Variants in RGS7 observed in about 807,000 individuals in gnomAD.
RGS7 encodes the protein regulator of G protein signaling 7, also known as regulator of G-protein signaling 7.
RGS7 carries 27 observed loss-of-function variants against 81.1 expected under a neutral mutation model. The observed-to-expected ratio is 0.33, with a 90% confidence interval of 0.25 to 0.46. RGS7 has a LOEUF of 0.46. RGS7 is among the 20% of genes least tolerant of loss of function. The pLI, the probability that RGS7 is intolerant of heterozygous loss-of-function variation, is 1.00. For missense variants in RGS7, 396 were observed against 607.4 expected, an observed-to-expected ratio of 0.65 and a Z score of 3.66; for synonymous variants, 208 against 207.7, an observed-to-expected ratio of 1.00 and a Z score of -0.01.
intron 9 of RGS7, among the ~76,000 whole-genome samples, chr1:240,835,193 A>T (rs1342181453): frequency 6.6e-6 from 1 of 152,210 alleles, no homozygotes; most frequent in Non-Finnish European, 1.5e-5. Flanking sequence ...TGGAAAAAAA[A>T]TAGGCAAGGT....
chr1:240,829,050 A>G (rs1270193045), intron 9 of RGS7, among the ~76,000 whole-genome samples: 1 of 152,162 alleles, frequency 6.6e-6, no homozygotes, highest in Admixed American at 6.5e-5. Context: ...GACAGAGGAC[A>G]CTTTCCTTAA....
chr1:241,068,975 G>A (rs1450115859), intron 3 of RGS7, among the ~76,000 whole-genome samples: 1 of 152,048 alleles, frequency 6.6e-6, no homozygotes, highest in East Asian at 1.9e-4. Context: ...CCCTCCTCTT[G>A]CTCCTGCTTT....
intron 2 of RGS7, among the ~76,000 whole-genome samples, chr1:241,140,783 T>C (rs1252752016): frequency 6.6e-6 from 1 of 152,226 alleles, no homozygotes; most frequent in Non-Finnish European, 1.5e-5. Flanking sequence ...ATACAGGAGA[T>C]AAGCAAAACT....
At chr1:241,246,152 G>A (rs1330842396) in intron 2 of RGS7, among the ~76,000 whole-genome samples, 3 of 152,028 alleles carry the variant, frequency 2.0e-5, no homozygotes, top group African/African-American at 7.2e-5. Flanking sequence ...TGTGATGATG[G>A]GGTGTGGATG....
intron 2 of RGS7, among the ~76,000 whole-genome samples, chr1:241,189,956 A>G (rs2072479769): frequency 6.6e-6 from 1 of 151,974 alleles, no homozygotes; most frequent in African/African-American, 2.4e-5. Flanking sequence ...ACAAAAATTT[A>G]GCCGGGCGCG....
At chr1:241,173,500 A>G (rs934529075) in intron 2 of RGS7, among the ~76,000 whole-genome samples, 2 of 152,170 alleles carry the variant, frequency 1.3e-5, no homozygotes, top group African/African-American at 4.8e-5. Context: ...TCTGAAAACT[A>G]CCTGCCAAAC....
chr1:240,966,697 G>A (rs949931058), intron 4 of RGS7, among the ~76,000 whole-genome samples: 1 of 152,034 alleles, frequency 6.6e-6, no homozygotes, highest in Non-Finnish European at 1.5e-5. Flanking sequence ...TTGATTAATC[G>A]AAACCTATGG....
intron 2 of RGS7, among the ~76,000 whole-genome samples, chr1:241,228,716 C>G (rs1310340495): frequency 6.6e-6 from 1 of 151,778 alleles, no homozygotes; most frequent in Non-Finnish European, 1.5e-5. Flanking sequence ...AAGCTCTTTC[C>G]AAAATATTAG....
chr1:240,874,804 G>A (rs1665088151), intron 6 of RGS7, among the ~76,000 whole-genome samples: 1 of 152,110 alleles, frequency 6.6e-6, no homozygotes, highest in Non-Finnish European at 1.5e-5. Flanking sequence ...AGTTTGGGAG[G>A]CTGAGGTGGG....
At chr1:241,258,966 A>G (rs113552176) in intron 2 of RGS7, among the ~76,000 whole-genome samples, 4 of 152,174 alleles carry the variant, frequency 2.6e-5, no homozygotes, top group Non-Finnish European at 4.4e-5. Flanking sequence ...AACAATGTCA[A>G]TTACAGCAGG....
chr1:241,297,640 G>A (rs569009531), intron 2 of RGS7, among the ~76,000 whole-genome samples: 13 of 151,832 alleles, frequency 8.6e-5, no homozygotes, highest in South Asian at 8.4e-4. Context: ...ATGACATAAC[G>A]AAGCTTGGGG....
At chr1:241,324,010 T>A in intron 2 of RGS7, among the ~76,000 whole-genome samples, 1 of 152,184 alleles carries the variant, frequency 6.6e-6, no homozygotes, top group East Asian at 1.9e-4. Context: ...ATTTATCATG[T>A]TTAAAATGGA....
intron 2 of RGS7, among the ~76,000 whole-genome samples, chr1:241,125,671 C>T (rs1004133297): frequency 1.3e-5 from 2 of 152,164 alleles, no homozygotes; most frequent in African/African-American, 4.8e-5. Flanking sequence ...AATTTAGATG[C>T]ATAGTAGGTG....
intron 2 of RGS7, among the ~76,000 whole-genome samples, chr1:241,282,499 T>C (rs909913947): frequency 2.6e-5 from 4 of 152,210 alleles, no homozygotes; most frequent in African/African-American, 4.8e-5. Context: ...ATTTTCTACA[T>C]AGACAATCAC....
chr1:240,895,046 G>T (rs1273832217), intron 6 of RGS7, among the ~76,000 whole-genome samples: 1 of 152,098 alleles, frequency 6.6e-6, no homozygotes, highest in Non-Finnish European at 1.5e-5. Flanking sequence ...TCCCATGATA[G>T]TGAGTTCTCG....
intron 10 of RGS7, among the ~76,000 whole-genome samples, chr1:240,822,686 T>C (rs757148016): frequency 2.0e-5 from 3 of 152,248 alleles, no homozygotes; most frequent in South Asian, 2.1e-4. Flanking sequence ...CCCATACTTA[T>C]ATACATTTCA....
At chr1:240,975,857 C>T (rs769846100) in intron 4 of RGS7, among the ~76,000 whole-genome samples, 3 of 152,246 alleles carry the variant, frequency 2.0e-5, no homozygotes, top group Admixed American at 6.5e-5. Context: ...GAAACACGAA[C>T]GTGGAAGAAC....
At chr1:240,882,128 C>T (rs111255311) in intron 6 of RGS7, among the ~76,000 whole-genome samples, 3,572 of 152,040 alleles carry the variant, frequency 0.023, 148 homozygotes, top group African/African-American at 0.078. Context: ...TTGGCCAGGC[C>T]GGTCTTGAAC....
At chr1:240,912,369 TATAA>T (rs144227058) in intron 6 of RGS7, among the ~76,000 whole-genome samples, 5,314 of 152,156 alleles carry the variant, frequency 0.035, 99 homozygotes, top group Middle Eastern at 0.044. Flanking sequence ...GTAAACTAAA[TATAA>T]ATAGTTTTTA....
Sources: allele counts gnomAD v4.1 joint callset (sites outside exome capture counted in the v4.1 genomes callset), GRCh38; gene constraint gnomAD v4.1.1; transcripts MANE v1.5; gene names NCBI Gene and HGNC (gene_info 2026-07-23, HGNC 2026-07-21).